Variants in UBR1 observed in about 807,000 individuals in gnomAD.
UBR1 encodes the protein E3 ubiquitin-protein ligase UBR1.
A neutral mutation model predicts 242.1 loss-of-function variants in UBR1; 102 were observed. The ratio of observed to expected loss-of-function variants is 0.42; its 90% CI spans 0.36 to 0.50. The LOEUF (loss-of-function observed/expected upper bound fraction) is 0.50, where lower values mean the gene tolerates loss of function less well. Among genes scored for constraint, UBR1 ranks in the 20% least tolerant of loss-of-function variants. UBR1 has a pLI of 0.01. For synonymous variants in UBR1, 675 were observed against 684.8 expected (o/e 0.99, Z 0.22); for missense variants, 1,772 against 2,101.8 (o/e 0.84, Z 3.07).
intron 1 of UBR1, among the ~76,000 whole-genome samples, chr15:43,089,607 AT>A (rs1258401542): frequency 1.3e-5 from 2 of 151,984 alleles, no homozygotes; most frequent in African/African-American, 2.4e-5. Flanking sequence ...TTATTGTATT[AT>A]TTTTTTTCTT....
At chr15:42,956,627 G>C (rs2031926350) in intron 44 of UBR1, among the ~76,000 whole-genome samples, 1 of 152,202 alleles carries the variant, frequency 6.6e-6, no homozygotes. Flanking sequence ...TGCCCAGCCT[G>C]AAGCAACTAT....
Position 43,043,376 on chromosome 15 carries a change from G to T in UBR1, c.1688C>A (p.Ala563Asp), listed in dbSNP as rs768686147. The change falls in exon 15 of 47, where the codon GCT becomes GAT. Residue 563 changes from alanine to aspartate, a missense_variant. Ala to Asp is a moderately radical substitution (Grantham distance 126). Coordinates refer to ENST00000290650, the MANE Select transcript of UBR1 (RefSeq NM_174916.3). ...CACAGCTTTGTGACATTCTTTATAA[G>T]CCACAAGTAAGAGTTCTTCCTAAGA... ...CACDEELLLV[A>D]YKECHKAVMR... 93 of 1,613,640 alleles carry T rather than the reference G, an allele frequency of 5.8e-5. No individual in the cohort carries two copies. The highest frequency in any genetic ancestry group is 7.5e-5 in the Non-Finnish European group (88 of 1,179,976).
chr15:42,986,675 C>T (rs181176089), intron 35 of UBR1, among the ~76,000 whole-genome samples: 3 of 152,294 alleles, frequency 2.0e-5, no homozygotes, highest in Admixed American at 6.5e-5. Context: ...ATGTATTATC[C>T]TATACCCATG....
intron 28 of UBR1, among the ~76,000 whole-genome samples, 174 bp downstream of exon 28, chr15:43,016,921 C>T (rs995684107): frequency 5.3e-5 from 8 of 152,206 alleles, no homozygotes; most frequent in African/African-American, 1.4e-4. Context: ...TGAGTTGTCA[C>T]GTACCATTAA....
At chr15:43,091,002 C>G (rs1040405794) in intron 1 of UBR1, among the ~76,000 whole-genome samples, 1 of 152,134 alleles carries the variant, frequency 6.6e-6, no homozygotes, top group African/African-American at 2.4e-5. Context: ...TGCAATGGCA[C>G]GATCTCGGCC....
intron 2 of UBR1, among the ~76,000 whole-genome samples, chr15:43,084,263 C>T (rs1376262982): frequency 6.6e-6 from 1 of 152,026 alleles, no homozygotes; most frequent in Non-Finnish European, 1.5e-5. Flanking sequence ...TTGGCCTCTA[C>T]ACACTAGATG....
intron 39 of UBR1, among the ~76,000 whole-genome samples, chr15:42,973,885 G>GTTTTT (rs1174730906): frequency 5.0e-5 from 6 of 120,252 alleles, no homozygotes; most frequent in Admixed American, 1.7e-4. Flanking sequence ...ACTTGTAGGA[G>GTTTTT]TTTTTTTTTT....
Position 42,966,298 on chromosome 15 carries a change from TA to T in UBR1, c.4458-13del. ...CACACCCAATGGAGCTAGGAGACAA[TA>T]ATTCCAGAAGAGAACAGAATACATA... is the stretch of plus-strand genomic sequence containing the variant. On this transcript the variant is annotated splice_polypyrimidine_tract_variant and intron_variant, in intron 40 of 46. Transcript: ENST00000290650. 2 of 1,614,056 alleles carry T rather than the reference TA, an allele frequency of 1.2e-6. No homozygotes were observed.
In UBR1 at chr15:43,016,419, A is replaced by T. The variant is rs115854522; in HGVS notation, c.3028-550T>A. ...GAATCATCAAAACCTGATTCACTAT[A>T]TTATAGCAATAACACAAATATTATT... On this transcript the variant is annotated intron_variant, in intron 28 of 46. Transcript: ENST00000290650. 9.0e-3 allele frequency among the ~76,000 whole-genome samples: 1,373 copies of T among 152,310 alleles called. 17 individuals carry two copies. Among genetic ancestry groups the T allele is most frequent in the African/African-American group, 0.031 (1,306 of 41,554 alleles).
chr15:43,081,417 C>CAAAAA (rs71108197), intron 3 of UBR1, among the ~76,000 whole-genome samples: 813 of 69,236 alleles, frequency 0.012, no homozygotes, highest in East Asian at 0.019. Flanking sequence ...CACCCCATCT[C>CAAAAA]AAAAAAAAAA....
intron 30 of UBR1, among the ~76,000 whole-genome samples, chr15:43,005,660 G>A (rs1161118766): frequency 1.4e-4 from 22 of 152,242 alleles, no homozygotes; most frequent in Non-Finnish European, 2.6e-4. Flanking sequence ...AGGGGGAAAT[G>A]TGGGGAAATG....
At chr15:42,985,561 C>T (rs2032445020) in intron 35 of UBR1, among the ~76,000 whole-genome samples, 1 of 152,150 alleles carries the variant, frequency 6.6e-6, no homozygotes, top group Non-Finnish European at 1.5e-5. Context: ...GCATGTTAGC[C>T]AGGCTGGTCT....
In UBR1 at chr15:43,054,877, T is replaced by C; in HGVS notation, c.1304A>G (p.Gln435Arg). Reference protein sequence around the residue: ...PTLARHLIEEQNVISVITETL... With the variant: ...PTLARHLIEERNVISVITETL... ...TTCAGTAATGACAGAGATAACATTC[T>C]GCTCTTCAATAAGATGTCGAGCCTG... Residue 435 changes from glutamine to arginine, a missense_variant, in exon 12 of 47, where the codon CAG becomes CGG. Gln to Arg is a conservative substitution (Grantham distance 43). Coordinates refer to ENST00000290650, the MANE Select transcript of UBR1 (RefSeq NM_174916.3). 1 of 1,614,184 alleles carries C rather than the reference T, an allele frequency of 6.2e-7. No homozygotes were observed. The highest frequency in any genetic ancestry group is 8.5e-7 in the Non-Finnish European group (1 of 1,180,014).
In UBR1 at chr15:43,044,563, C is replaced by G. The variant is rs539154338; in HGVS notation, c.1669-1168G>C. ...ACAGATGATTTGGAAACATCCCTCT[C>G]AGAAATCAGCATACTGACTAACTAA... On this transcript the variant is annotated intron_variant, in intron 14 of 46. Coordinates refer to ENST00000290650, the MANE Select transcript of UBR1 (RefSeq NM_174916.3). 7.7e-4 allele frequency among the ~76,000 whole-genome samples: 117 copies of G among 152,298 alleles called. 3 individuals carry two copies. The South Asian group carries it at 0.024, about 32-fold the overall frequency.
chr15:43,054,472 A>G (rs78676250), intron 12 of UBR1, among the ~76,000 whole-genome samples: 2,431 of 152,320 alleles, frequency 0.016, 79 homozygotes, highest in African/African-American at 0.056. Context: ...GGTAATTACA[A>G]TGGCAATGCA....
intron 15 of UBR1, among the ~76,000 whole-genome samples, chr15:43,038,665 C>T (rs1026699865): frequency 6.6e-6 from 1 of 152,086 alleles, no homozygotes; most frequent in Non-Finnish European, 1.5e-5. Flanking sequence ...ATCTAGAATG[C>T]AGACTGTTGA....
At chr15:43,046,410 G>A (rs1366790222) in intron 14 of UBR1, among the ~76,000 whole-genome samples, 7 of 152,220 alleles carry the variant, frequency 4.6e-5, no homozygotes, top group Admixed American at 3.3e-4. Flanking sequence ...AAAAATAAGC[G>A]AGTCCTGTGT....
At chr15:43,003,962 A>T (rs1567121670) in intron 30 of UBR1, 32 bp from the exon 31 acceptor site, 1 of 1,595,960 alleles carries the variant, frequency 6.3e-7, no homozygotes, top group Admixed American at 1.7e-5. Context: ...AGGGAAAAAG[A>T]GAGACAGGTT....
At chr15:43,089,412 G>A (rs995272538) in intron 1 of UBR1, among the ~76,000 whole-genome samples, 1 of 150,854 alleles carries the variant, frequency 6.6e-6, no homozygotes, top group African/African-American at 2.4e-5. Flanking sequence ...GGAGAATGTC[G>A]TGAACCCAGG....
Sources: allele counts gnomAD v4.1 joint callset (sites outside exome capture counted in the v4.1 genomes callset), GRCh38; gene constraint gnomAD v4.1.1; transcripts MANE v1.5; gene names NCBI Gene and HGNC (gene_info 2026-07-23, HGNC 2026-07-21).